Variants in SENP6 observed in about 807,000 individuals in gnomAD.
SENP6 encodes SUMO specific peptidase 6.
In SENP6, 41 loss-of-function variants were observed where a neutral mutation model predicts 134.5. The ratio of observed to expected loss-of-function variants is 0.30; its 90% CI spans 0.24 to 0.40. SENP6 has a LOEUF of 0.40. Among genes scored for constraint, SENP6 ranks in the 10% least tolerant of loss-of-function variants. SENP6 has a pLI of 1.00. For missense variants in SENP6, 1,248 were observed against 1,312.5 expected (o/e 0.95, Z 0.76); for synonymous variants, 395 against 429.8 (o/e 0.92, Z 1.00).
intron 3 of SENP6, among the ~76,000 whole-genome samples, chr6:75,633,163 T>G (rs1349893634): frequency 6.6e-6 from 1 of 152,180 alleles, no homozygotes; most frequent in Non-Finnish European, 1.5e-5. Flanking sequence ...ACAGAAACTT[T>G]GATACTAAGG....
chr6:75,636,476 A>G (rs539898251), intron 5 of SENP6, among the ~76,000 whole-genome samples: 1 of 152,326 alleles, frequency 6.6e-6, no homozygotes, highest in African/African-American at 2.4e-5. Flanking sequence ...TATGCTACAT[A>G]CCAGGCATAG....
intron 6 of SENP6, among the ~76,000 whole-genome samples, chr6:75,642,928 A>G (rs1484911785): frequency 3.9e-5 from 6 of 152,180 alleles, no homozygotes; most frequent in Non-Finnish European, 8.8e-5. Context: ...AGGTAAAACC[A>G]ATCTTTTTGG....
rs148214854 is a variant in SENP6 at position 75,613,029 on chromosome 6, G to A, written c.53-8503G>A. 7.8e-3 allele frequency among the ~76,000 whole-genome samples: 1,187 copies of A among 151,952 alleles called. 5 individuals are homozygous for A. The highest frequency in any genetic ancestry group is 0.012 in the Non-Finnish European group (834 of 67,976). ...CTTGGGAGGCTGAGGCACGAGAATCGCTTGAACCCAGGAGGCAGAGGTTGC... is the reference window on the plus strand; with the variant it reads ...CTTGGGAGGCTGAGGCACGAGAATCACTTGAACCCAGGAGGCAGAGGTTGC... On this transcript the variant is annotated intron_variant, in intron 1 of 23. Coordinates refer to ENST00000447266, the MANE Select transcript of SENP6 (RefSeq NM_015571.4).
chr6:75,707,446 C>T (rs1775481217), intron 19 of SENP6, among the ~76,000 whole-genome samples: 1 of 147,660 alleles, frequency 6.8e-6, no homozygotes, highest in South Asian at 2.1e-4. Context: ...TCACTGAAGC[C>T]GCTACCTCCT....
At chr6:75,635,081 C>A (rs935949279) in intron 5 of SENP6, 2 of 481,198 alleles carry the variant, frequency 4.2e-6, no homozygotes, top group Admixed American at 3.1e-5. Flanking sequence ...AACTGATTTA[C>A]AATATTGACC....
chr6:75,686,971 G>C (rs1773886423), intron 16 of SENP6, among the ~76,000 whole-genome samples: 3 of 152,090 alleles, frequency 2.0e-5, no homozygotes, highest in Non-Finnish European at 4.4e-5. Context: ...AGTTCTCCTG[G>C]GTAATATCCT....
intron 2 of SENP6, chr6:75,622,666 A>C (rs1768365602): frequency 3.4e-6 from 2 of 586,930 alleles, no homozygotes; most frequent in African/African-American, 1.9e-5. Context: ...ACAAATATAC[A>C]CACAAAGTTC....
rs1368343402 is a variant in SENP6, at chr6:75,602,252, CG to C, written c.-272del. ...GAGAGGAACCGGGCCCGGGAAGCGC[CG>C]TCGTCGTCGTCGCCGGTCGCGTTCC... On this transcript the variant is annotated 5_prime_UTR_variant, in exon 1 of 24. An upstream open reading frame in the 5' UTR loses its in-frame stop. Coordinates refer to ENST00000447266, the MANE Select transcript of SENP6 (RefSeq NM_015571.4). 1.7e-5 allele frequency: 6 copies of C among 357,616 alleles called. No homozygotes were observed. The highest frequency in any genetic ancestry group is 2.5e-5 in the Non-Finnish European group (5 of 200,140). 22.2% of individuals were successfully genotyped at this position (357,616 alleles called of 1,614,324 possible). A position where few individuals can be genotyped will look rare whatever the true frequency, so the allele number is the denominator to read the frequency against.
At chr6:75,687,056 T>C (rs990619803) in intron 16 of SENP6, among the ~76,000 whole-genome samples, 1 of 152,238 alleles carries the variant, frequency 6.6e-6, no homozygotes, top group Non-Finnish European at 1.5e-5. Flanking sequence ...ATTTGGTCTT[T>C]TCACATAGTC....
intron 2 of SENP6, among the ~76,000 whole-genome samples, chr6:75,622,423 G>A (rs1056160523): frequency 6.6e-5 from 10 of 152,174 alleles, no homozygotes; most frequent in African/African-American, 2.4e-4. Context: ...GCTGGATGTG[G>A]TGGCATACAC....
chr6:75,618,211 A>G (rs1582677263), intron 1 of SENP6, among the ~76,000 whole-genome samples: 1 of 152,138 alleles, frequency 6.6e-6, no homozygotes, highest in South Asian at 2.1e-4. Flanking sequence ...GTATATGCTT[A>G]TATTATTTGG....
intron 23 of SENP6, among the ~76,000 whole-genome samples, chr6:75,714,253 C>G (rs571217760): frequency 2.0e-5 from 3 of 152,186 alleles, no homozygotes; most frequent in African/African-American, 7.2e-5. Flanking sequence ...TAAAATTGCT[C>G]TTGACTTTCC....
rs2149911268 is a variant in SENP6 at position 75,716,838 on chromosome 6, C to A, written c.*1244C>A. On this transcript the variant is annotated 3_prime_UTR_variant, in exon 24 of 24. Coordinates refer to ENST00000447266, the MANE Select transcript of SENP6 (RefSeq NM_015571.4). ...AAAATAGTTGAGAATAAAAAGAAAGCCTAATCATCAGCAATTATTTTATTT... is the reference window on the plus strand; with the variant it reads ...AAAATAGTTGAGAATAAAAAGAAAGACTAATCATCAGCAATTATTTTATTT... 1 of 151,928 alleles carries A rather than the reference C, an allele frequency of 6.6e-6. No individual in the cohort carries two copies. The highest frequency in any genetic ancestry group is 1.5e-5 in the Non-Finnish European group (1 of 67,808). The allele number at this position is 151,928 out of a possible 1,614,324, so 9.4% of individuals were successfully genotyped here. A position where few individuals can be genotyped will look rare whatever the true frequency, so the allele number is the denominator to read the frequency against.
At chr6:75,615,911 C>T (rs1767814771) in intron 1 of SENP6, among the ~76,000 whole-genome samples, 1 of 152,120 alleles carries the variant, frequency 6.6e-6, no homozygotes, top group Non-Finnish European at 1.5e-5. Flanking sequence ...TCTTTTGCTT[C>T]TTGTGTTCAT....
chr6:75,655,468 T>C (rs1168518895), intron 7 of SENP6, among the ~76,000 whole-genome samples: 2 of 152,186 alleles, frequency 1.3e-5, no homozygotes, highest in Admixed American at 1.3e-4. Flanking sequence ...TCCCTACCTC[T>C]TCCCCCTCAA....
At chr6:75,619,565 G>A (rs1040949724) in intron 1 of SENP6, among the ~76,000 whole-genome samples, 1 of 151,984 alleles carries the variant, frequency 6.6e-6, no homozygotes, top group African/African-American at 2.4e-5. Context: ...GAATAATGCT[G>A]CTATGAACAT....
chr6:75,671,614 C>G (rs553134975), intron 11 of SENP6, among the ~76,000 whole-genome samples: 1 of 151,960 alleles, frequency 6.6e-6, no homozygotes, highest in Admixed American at 6.5e-5. Flanking sequence ...CCCAGCTGCT[C>G]GGGAGGCTGA....
At chr6:75,708,141 C>A (rs1179360980) in intron 19 of SENP6, among the ~76,000 whole-genome samples, 1 of 152,180 alleles carries the variant, frequency 6.6e-6, no homozygotes, top group Admixed American at 6.5e-5. Flanking sequence ...CTTACTGCAA[C>A]CTCTGTTGCC....
At chr6:75,631,428 A>G (rs999741262) in intron 3 of SENP6, among the ~76,000 whole-genome samples, 2 of 152,218 alleles carry the variant, frequency 1.3e-5, no homozygotes, top group African/African-American at 2.4e-5. Flanking sequence ...TTAAATTCTA[A>G]TAACTTGCTA....
Sources: gnomAD v4.1 joint callset for allele counts (sites outside exome capture counted in the v4.1 genomes callset) on GRCh38, gnomAD v4.1.1 for gene constraint, MANE v1.5 for transcripts, NCBI Gene and HGNC (gene_info 2026-07-23, HGNC 2026-07-21) for gene names.